The following SDK2 variants were observed in gnomAD, a reference collection of about 807,000 sequenced individuals.
SDK2 encodes sidekick cell adhesion molecule 2.
Under a neutral mutation model 253.9 loss-of-function variants are expected in SDK2, and 105 were observed. The ratio of observed to expected loss-of-function variants is 0.41; its 90% CI spans 0.35 to 0.49. SDK2 has a LOEUF of 0.49. Among genes scored for constraint, SDK2 ranks in the 20% least tolerant of loss-of-function variants. The pLI, the probability that SDK2 is intolerant of heterozygous loss-of-function variation, is 0.06. For missense variants in SDK2, 2,608 were observed against 3,003.0 expected (o/e 0.87, Z 3.07); for synonymous variants, 1,249 against 1,234.9 (o/e 1.01, Z -0.24).
At chr17:73,376,061 G>GGATTA (rs2062777923) in intron 36 of SDK2, among the ~76,000 whole-genome samples, 1 of 151,754 alleles carries the variant, frequency 6.6e-6, no homozygotes, top group African/African-American at 2.4e-5. Flanking sequence ...GGGCATGGTG[G>GGATTA]CAGGCACCTG....
intron 4 of SDK2, among the ~76,000 whole-genome samples, chr17:73,454,883 T>C (rs1009567516): frequency 1.3e-5 from 2 of 152,146 alleles, no homozygotes; most frequent in Non-Finnish European, 2.9e-5. Flanking sequence ...TTTGTATTTT[T>C]AGTAGAGACA....
chr17:73,595,505 C>T (rs2145906057), intron 1 of SDK2, among the ~76,000 whole-genome samples: 1 of 152,240 alleles, frequency 6.6e-6, no homozygotes, highest in Admixed American at 6.5e-5. Flanking sequence ...CTGGAGGGGA[C>T]CCAGCCTCGG....
At chr17:73,565,292 C>G (rs1046276720) in intron 1 of SDK2, among the ~76,000 whole-genome samples, 4 of 152,116 alleles carry the variant, frequency 2.6e-5, no homozygotes, top group African/African-American at 9.7e-5. Context: ...GGGGCCAATC[C>G]CAAGCAGCCC....
intron 1 of SDK2, among the ~76,000 whole-genome samples, chr17:73,524,927 C>T (rs780130320): frequency 1.3e-5 from 2 of 152,260 alleles, no homozygotes; most frequent in African/African-American, 4.8e-5. Flanking sequence ...CTCGCCTCTG[C>T]GCACATCATT....
intron 3 of SDK2, among the ~76,000 whole-genome samples, chr17:73,470,897 G>A (rs2063644896): frequency 6.6e-6 from 1 of 152,158 alleles, no homozygotes; most frequent in South Asian, 2.1e-4. Context: ...GAATGCAACA[G>A]CCCATAATGA....
intron 2 of SDK2, among the ~76,000 whole-genome samples, chr17:73,476,896 C>G (rs953616731): frequency 9.9e-5 from 15 of 151,978 alleles, no homozygotes; most frequent in Middle Eastern, 6.3e-3. Context: ...GGCAGGTAAT[C>G]CCTGCCCCAG....
intron 1 of SDK2, among the ~76,000 whole-genome samples, chr17:73,593,628 C>T (rs1360598208): frequency 6.6e-6 from 1 of 152,104 alleles, no homozygotes; most frequent in Non-Finnish European, 1.5e-5. Context: ...TCTGCAGTGC[C>T]CCCCCAAAGT....
chr17:73,531,994 C>T (rs944823698), intron 1 of SDK2, among the ~76,000 whole-genome samples: 1 of 152,170 alleles, frequency 6.6e-6, no homozygotes, highest in African/African-American at 2.4e-5. Flanking sequence ...CATCGTGGTG[C>T]ATTACAATGA....
intron 5 of SDK2, among the ~76,000 whole-genome samples, chr17:73,442,064 G>A (rs1599570314): frequency 6.6e-6 from 1 of 152,274 alleles, no homozygotes; most frequent in Non-Finnish European, 1.5e-5. Context: ...AGTTAAGGAT[G>A]AAACTCTCAG....
At chr17:73,504,943 G>A (rs2145755193) in intron 2 of SDK2, among the ~76,000 whole-genome samples, 1 of 152,242 alleles carries the variant, frequency 6.6e-6, no homozygotes, top group South Asian at 2.1e-4. Flanking sequence ...GTTTTTAATT[G>A]AAGGAAAATC....
At chr17:73,371,378 A>C (rs1208041735) in intron 36 of SDK2, among the ~76,000 whole-genome samples, 1 of 152,104 alleles carries the variant, frequency 6.6e-6, no homozygotes, top group Non-Finnish European at 1.5e-5. Context: ...AGAGCTAGCG[A>C]GGGAAGCTGA....
At chr17:73,378,435 T>G (rs548327542) in intron 36 of SDK2, among the ~76,000 whole-genome samples, 1 of 152,070 alleles carries the variant, frequency 6.6e-6, no homozygotes, top group Non-Finnish European at 1.5e-5. Context: ...TTTTTTTTTT[T>G]TTGAGACAGA....
chr17:73,523,577 C>T (rs937169971), intron 1 of SDK2, among the ~76,000 whole-genome samples: 12 of 151,972 alleles, frequency 7.9e-5, no homozygotes, highest in Admixed American at 3.9e-4. Flanking sequence ...ACGCCAGAAT[C>T]GCTAGCAGCC....
intron 9 of SDK2, among the ~76,000 whole-genome samples, chr17:73,434,533 C>T (rs1175950726): frequency 1.3e-5 from 2 of 152,226 alleles, no homozygotes; most frequent in African/African-American, 4.8e-5. Context: ...TGATGAACAC[C>T]GTGGAGCTCA....
rs1188169326 is a variant in SDK2, at chr17:73,483,639, A to ATGTGTG, written c.225-11422_225-11421insCACACA. On this transcript the variant is annotated intron_variant, in intron 2 of 44. Coordinates refer to ENST00000392650, the MANE Select transcript of SDK2 (RefSeq NM_001144952.2). ...TGTATATATATGTATATGTATATAT[A>ATGTGTG]TATGTGTGTGTGTGTGTGTGTGTAT... Among the ~76,000 whole-genome samples, 162 of 48,208 alleles carry ATGTGTG rather than the reference A, an allele frequency of 3.4e-3. 11 individuals are homozygous for ATGTGTG. Among genetic ancestry groups the ATGTGTG allele is most frequent in the African/African-American group, 8.7e-3 (114 of 13,174 alleles). The allele number at this position is 48,208 out of a possible 152,430, so 31.6% of individuals were successfully genotyped here. A position where few individuals can be genotyped will look rare whatever the true frequency, so the allele number is the denominator to read the frequency against.
chr17:73,581,765 G>C (rs1298283290), intron 1 of SDK2, among the ~76,000 whole-genome samples: 1 of 152,232 alleles, frequency 6.6e-6, no homozygotes, highest in Non-Finnish European at 1.5e-5. Context: ...GCCTATTTCA[G>C]ACAGCCCAGG....
chr17:73,636,541 C>T (rs772419594), intron 1 of SDK2, among the ~76,000 whole-genome samples: 4 of 151,656 alleles, frequency 2.6e-5, no homozygotes, highest in African/African-American at 4.9e-5. Flanking sequence ...ATTGGTCAGG[C>T]GTGGCAGCAC....
At position 73,507,468 on chromosome 17, in the gene SDK2, CTGT is replaced by C; in HGVS notation, c.191_193del (p.Asn64del). ...TTCCAGGGAGAACTTGGTCAGCTCC[CTGT>C]TGTTGTGGAGCCACTTGAACTCCAG... On this transcript the variant is annotated inframe_deletion, in exon 2 of 45. Transcript: ENST00000392650. The C allele has an allele frequency of 1.9e-6, 3 of 1,551,624 alleles. No homozygotes were observed. Among genetic ancestry groups the C allele is most frequent in the Non-Finnish European group, 2.6e-6 (3 of 1,146,958 alleles).
rs566106161 is a variant in SDK2, at chr17:73,618,621, G to T, written c.64+25404C>A. 6.6e-6 allele frequency among the ~76,000 whole-genome samples: 1 copy of T among 152,324 alleles called. No homozygotes were observed. Among genetic ancestry groups the T allele is most frequent in the African/African-American group, 2.4e-5 (1 of 41,580 alleles). ...TTTCCCTTTGGAATCTAGAGTCCAC[G>T]TGGTGCCCAAGAACGGCATGGGGGA... On this transcript the variant is annotated intron_variant, in intron 1 of 44. Coordinates refer to ENST00000392650, the MANE Select transcript of SDK2 (RefSeq NM_001144952.2). The surrounding 1 kb of genome is among the most constrained non-coding windows in gnomAD (Gnocchi z 4.1).
Sources: gnomAD v4.1 joint callset for allele counts (sites outside exome capture counted in the v4.1 genomes callset) on GRCh38, gnomAD v4.1.1 for gene constraint, Gnocchi (gnomAD v3.1) non-coding constraint, MANE v1.5 for transcripts, NCBI Gene and HGNC (gene_info 2026-07-23, HGNC 2026-07-21) for gene names.